The following USP53 variants were observed in gnomAD, a reference collection of about 807,000 sequenced individuals.
The protein encoded by USP53 is ubiquitin specific peptidase 53, also known as ubiquitin carboxyl-terminal hydrolase 53.
A neutral mutation model predicts 94.9 loss-of-function variants in USP53; 71 were observed. The ratio of observed to expected loss-of-function variants is 0.75; its 90% confidence interval spans 0.62 to 0.91. The LOEUF is 0.91. USP53 is among the 40% of genes least tolerant of loss of function. The pLI is 0.00. For synonymous variants in USP53, 375 were observed against 422.7 expected (o/e 0.89, Z 1.39); for missense variants, 1,173 against 1,281.0 (o/e 0.92, Z 1.29).
At position 119,256,508 on chromosome 4, in the gene USP53, C is replaced by T. The variant is rs766680484; in HGVS notation, c.554C>T (p.Ser185Phe). The T allele has an allele frequency of 5.0e-6, 8 of 1,613,930 alleles. No homozygotes were observed. The Admixed American group carries it at 5.0e-5, about 10-fold the overall frequency. The change falls in exon 9 of 19, where the codon TCT (serine) becomes TTT (phenylalanine). Residue 185 changes from serine (S) to phenylalanine (F), a missense_variant. Ser to Phe is a radical substitution (Grantham distance 155). Coordinates refer to ENST00000692078, the MANE Select transcript of USP53 (RefSeq NM_001371395.1). ...TTTACAGAATTTGTGCGGTACATTTCTACAACAGCCTTATGGTAAGAACCT... is the reference window on the plus strand; with the variant it reads ...TTTACAGAATTTGTGCGGTACATTTTTACAACAGCCTTATGGTAAGAACCT... ...LPFTEFVRYI[S>F]TTALCNEVER...
At chr4:119,223,427 C>G (rs1446539524) in intron 3 of USP53, among the ~76,000 whole-genome samples, 1 of 152,136 alleles carries the variant, frequency 6.6e-6, no homozygotes, top group Non-Finnish European at 1.5e-5. Flanking sequence ...TAAATCTAAC[C>G]ATACCTTTAA....
chr4:119,226,049 A>G (rs973200593), intron 3 of USP53, among the ~76,000 whole-genome samples: 1 of 152,222 alleles, frequency 6.6e-6, no homozygotes, highest in Non-Finnish European at 1.5e-5. Context: ...AACCATTTAA[A>G]CTGTCAACAA....
chr4:119,268,485 G>T, intron 14 of USP53, 65 bp downstream of exon 14: 1 of 1,424,594 alleles, frequency 7.0e-7, no homozygotes, highest in Non-Finnish European at 9.4e-7. Context: ...TCACTTATCG[G>T]AGGATGCTTA....
intron 18 of USP53, 36 bp from the exon 19 acceptor site, chr4:119,292,302 G>T (rs762644365): frequency 2.0e-6 from 3 of 1,519,206 alleles, no homozygotes; most frequent in South Asian, 1.4e-5. Context: ...TATTTGCATA[G>T]GGTGTTCTAG....
intron 3 of USP53, among the ~76,000 whole-genome samples, chr4:119,226,539 A>G (rs1745280084): frequency 6.6e-6 from 1 of 152,222 alleles, no homozygotes; most frequent in South Asian, 2.1e-4. Context: ...AAAAACTTAG[A>G]GATAAATTTA....
rs181550617 is a variant in USP53 at position 119,228,992 on chromosome 4, G to A, written c.-664-6298G>A. On this transcript the variant is annotated intron_variant, in intron 3 of 18. Transcript: ENST00000692078. The stretch of plus-strand genomic sequence containing the variant: ...AAAGGGAGGAAGGAGTTAATTACTG[G>A]CTGTTCCTATAGACCTTCTGTTAGA... Among the ~76,000 whole-genome samples, 440 of 152,284 alleles carry A rather than the reference G, an allele frequency of 2.9e-3. 1 individual carries two copies. The highest frequency in any genetic ancestry group is 5.1e-3 in the Non-Finnish European group (346 of 68,016).
At chr4:119,283,249 G>A (rs1472825438) in intron 17 of USP53, among the ~76,000 whole-genome samples, 1 of 151,960 alleles carries the variant, frequency 6.6e-6, no homozygotes, top group Non-Finnish European at 1.5e-5. Context: ...CAGAAGAAAT[G>A]ATATGTTTAA....
At chr4:119,228,042 A>G (rs991801566) in intron 3 of USP53, among the ~76,000 whole-genome samples, 2 of 152,218 alleles carry the variant, frequency 1.3e-5, no homozygotes, top group East Asian at 1.9e-4. Context: ...TTCTATTACT[A>G]TGTAACAAAT....
chr4:119,251,293 C>A (rs1198571491), intron 7 of USP53, among the ~76,000 whole-genome samples: 1 of 152,098 alleles, frequency 6.6e-6, no homozygotes, highest in Non-Finnish European at 1.5e-5. Flanking sequence ...TTTTCTTAAT[C>A]CAGTCTATCA....
At chr4:119,288,735 G>T (rs1186761662) in intron 17 of USP53, among the ~76,000 whole-genome samples, 1 of 152,024 alleles carries the variant, frequency 6.6e-6, no homozygotes, top group East Asian at 1.9e-4. Context: ...TTTGGAGTTC[G>T]AGACCAGCCT....
chr4:119,255,155 T>C (rs1009004197), intron 7 of USP53, among the ~76,000 whole-genome samples: 9 of 152,034 alleles, frequency 5.9e-5, no homozygotes, highest in Non-Finnish European at 1.3e-4. Context: ...TAATGGGAGG[T>C]GTCTCCCAGT....
Position 119,213,660 on chromosome 4 carries a change from A to ATATATATATGTGTGTGTGTG in USP53, c.-941-409_-941-408insATATATATGTGTGTGTGTGT. On this transcript the variant is annotated intron_variant, in intron 1 of 18. Transcript: ENST00000692078. ...GAAATAGATATATATATATATATAT[A>ATATATATATGTGTGTGTGTG]TGTGTGTGTGTGTATGTATGTATGT... Among the ~76,000 whole-genome samples the ATATATATATGTGTGTGTGTG allele has an allele frequency of 5.8e-4, 68 of 117,746 alleles. 1 individual carries two copies. The highest frequency in any genetic ancestry group is 9.4e-4 in the Non-Finnish European group (55 of 58,580). The allele number at this position is 117,746 out of a possible 152,430, so 77.2% of individuals were successfully genotyped here. A position where few individuals can be genotyped will look rare whatever the true frequency, so the allele number is the denominator to read the frequency against.
intron 4 of USP53, among the ~76,000 whole-genome samples, chr4:119,238,753 G>C (rs1747132220): frequency 6.6e-6 from 1 of 152,148 alleles, no homozygotes; most frequent in Non-Finnish European, 1.5e-5. Context: ...TTTTAATCAG[G>C]AGTGTGCGTT....
In USP53 at chr4:119,213,641, GAT is replaced by G. The variant is rs141285286; in HGVS notation, c.-941-410_-941-409del. Among the ~76,000 whole-genome samples, 84 of 108,018 alleles carry G rather than the reference GAT, an allele frequency of 7.8e-4. 1 individual carries two copies. The highest frequency in any genetic ancestry group is 3.0e-3 in the Admixed American group (32 of 10,656). 70.9% of individuals were successfully genotyped at this position (108,018 alleles called of 152,430 possible). On this transcript the variant is annotated intron_variant, in intron 1 of 18. Coordinates refer to ENST00000692078, the MANE Select transcript of USP53 (RefSeq NM_001371395.1). ...CCGAAAGTTTCCTTATCTGGAAATA[GAT>G]ATATATATATATATATATGTGTGTG... is the stretch of plus-strand genomic sequence containing the variant.
At chr4:119,213,410 G>A (rs1001476505) in intron 1 of USP53, among the ~76,000 whole-genome samples, 18 of 151,914 alleles carry the variant, frequency 1.2e-4, no homozygotes, top group Non-Finnish European at 1.9e-4. Flanking sequence ...TAAAGTTAAT[G>A]TTTAGCTTCT....
At chr4:119,240,015 T>G (rs1438445727) in intron 5 of USP53, 112 bp downstream of exon 5, 6 of 1,105,630 alleles carry the variant, frequency 5.4e-6, no homozygotes, top group Non-Finnish European at 7.0e-6. Context: ...CTAGAATGAC[T>G]TTTTAATATA....
At chr4:119,226,294 A>G (rs1308012814) in intron 3 of USP53, among the ~76,000 whole-genome samples, 1 of 152,230 alleles carries the variant, frequency 6.6e-6, no homozygotes, top group Non-Finnish European at 1.5e-5. Flanking sequence ...TCCTTTTGGC[A>G]TTGTACAGGA....
rs188265549 is a variant in USP53 at position 119,245,244 on chromosome 4, C to A, written c.145-93C>A. The A allele has an allele frequency of 1.1e-4, 129 of 1,186,630 alleles. No individual in the cohort carries two copies. In the East Asian group the frequency reaches 2.1e-3, roughly 19 times the overall value. The allele number at this position is 1,186,630 out of a possible 1,614,324, so 73.5% of individuals were successfully genotyped here. A position where few individuals can be genotyped will look rare whatever the true frequency, so the allele number is the denominator to read the frequency against. Reference sequence around the variant, plus strand: ...CAATTAAAAGAAGTTACTTGTTCGCCTTTTGCAATTTGTAAAATATCTAAA... The same window carrying A: ...CAATTAAAAGAAGTTACTTGTTCGCATTTTGCAATTTGTAAAATATCTAAA... On this transcript the variant is annotated intron_variant, in intron 5 of 18. Coordinates refer to ENST00000692078, the MANE Select transcript of USP53 (RefSeq NM_001371395.1).
chr4:119,274,593 G>C lies in USP53; in HGVS notation c.2251+885G>C, dbSNP rs530280233. On this transcript the variant is annotated intron_variant, in intron 17 of 18. Coordinates refer to ENST00000692078, the MANE Select transcript of USP53 (RefSeq NM_001371395.1). ...TGTCTTTATAGCAGCATGATTTATA[G>C]TCATTTGGGTATATACCCAGTAATG... Among the ~76,000 whole-genome samples the C allele has an allele frequency of 5.3e-4, 81 of 151,596 alleles. 1 individual carries two copies. The South Asian group carries it at 0.016, about 29-fold the overall frequency.
Sources: gnomAD v4.1 joint callset for allele counts (sites outside exome capture counted in the v4.1 genomes callset) on GRCh38, gnomAD v4.1.1 for gene constraint, MANE v1.5 for transcripts, NCBI Gene and HGNC (gene_info 2026-07-23, HGNC 2026-07-21) for gene names.